The following STK32A variants were observed in gnomAD, a reference collection of about 807,000 sequenced individuals.
STK32A encodes serine/threonine kinase 32A, also known as serine/threonine-protein kinase 32A.
STK32A carries 41 observed loss-of-function variants against 53.2 expected under a neutral mutation model. The ratio of observed to expected loss-of-function variants is 0.77; its 90% CI spans 0.60 to 1.00. The LOEUF (loss-of-function observed/expected upper bound fraction) is 1.00, where lower values mean the gene tolerates loss of function less well. Among genes scored for constraint, STK32A ranks in the 50% least tolerant of loss-of-function variants. The probability of loss-of-function intolerance (pLI) is 0.00; values close to 1 mark genes in which losing one functional copy is unlikely to be tolerated. For missense variants in STK32A, 458 were observed against 485.8 expected, an observed-to-expected ratio of 0.94 and a Z score of 0.54; for synonymous variants, 166 against 162.8, an observed-to-expected ratio of 1.02 and a Z score of -0.15.
At chr5:147,312,062 G>A (rs796712649) in intron 4 of STK32A, among the ~76,000 whole-genome samples, 1 of 152,044 alleles carries the variant, frequency 6.6e-6, no homozygotes, top group East Asian at 1.9e-4. Flanking sequence ...CAAGACTTAC[G>A]TACAAGTTTC....
At chr5:147,276,456 T>C (rs1444735459) in intron 2 of STK32A, among the ~76,000 whole-genome samples, 3 of 152,206 alleles carry the variant, frequency 2.0e-5, no homozygotes, top group Admixed American at 1.3e-4. Flanking sequence ...GGGTTTTGAC[T>C]CACAGCTCAA....
At chr5:147,251,063 G>C (rs1371555709) in intron 2 of STK32A, among the ~76,000 whole-genome samples, 1 of 152,048 alleles carries the variant, frequency 6.6e-6, no homozygotes, top group African/African-American at 2.4e-5. Context: ...TCAGCTAAAT[G>C]TAATATAATG....
chr5:147,352,674 A>G (rs1756039634), intron 7 of STK32A, among the ~76,000 whole-genome samples: 1 of 152,196 alleles, frequency 6.6e-6, no homozygotes, highest in Admixed American at 6.5e-5. Context: ...AAGAAAAGAT[A>G]CCTGGAATTT....
At chr5:147,307,344 G>C (rs961841535) in intron 4 of STK32A, among the ~76,000 whole-genome samples, 3 of 151,866 alleles carry the variant, frequency 2.0e-5, no homozygotes, top group African/African-American at 7.3e-5. Context: ...TGTCTGGCTG[G>C]GGACAGTGAC....
intron 4 of STK32A, among the ~76,000 whole-genome samples, chr5:147,281,672 G>A (rs1417561821): frequency 6.6e-6 from 1 of 151,960 alleles, no homozygotes; most frequent in Non-Finnish European, 1.5e-5. Flanking sequence ...TTAAAAGCTT[G>A]GAAAACATAT....
At chr5:147,290,200 A>C (rs1299814378) in intron 4 of STK32A, among the ~76,000 whole-genome samples, 2 of 152,226 alleles carry the variant, frequency 1.3e-5, no homozygotes, top group East Asian at 3.9e-4. Flanking sequence ...ATATAAAGAG[A>C]GTAAGTATGA....
chr5:147,266,660 G>A (rs994545141), intron 2 of STK32A, among the ~76,000 whole-genome samples: 1 of 152,078 alleles, frequency 6.6e-6, no homozygotes, highest in African/African-American at 2.4e-5. Context: ...CTTCCTTCAT[G>A]GAGTCTATAT....
chr5:147,266,840 A>G (rs948621204), intron 2 of STK32A, among the ~76,000 whole-genome samples: 1 of 152,070 alleles, frequency 6.6e-6, no homozygotes, highest in Admixed American at 6.6e-5. Context: ...GCCTGATAAC[A>G]TAGAGAAACC....
intron 8 of STK32A, 116 bp from the exon 9 acceptor site, chr5:147,370,538 G>T (rs1490088367): frequency 1.6e-6 from 1 of 606,790 alleles, no homozygotes; most frequent in Non-Finnish European, 2.9e-6. Context: ...GCTGGACAGG[G>T]TTAGAAATTG....
chr5:147,329,047 A>G lies in STK32A; in HGVS notation c.434+4976A>G, dbSNP rs116127778. Among the ~76,000 whole-genome samples the G allele has an allele frequency of 2.4e-3, 367 of 152,298 alleles. 1 individual carries two copies. Among genetic ancestry groups the G allele is most frequent in the African/African-American group, 8.6e-3 (359 of 41,566 alleles). ...TTATAGGAATGAGATAAAAAATCTG[A>G]TTAGAGTAATTTGTGCAAGTAATTA... is the stretch of plus-strand genomic sequence containing the variant. On this transcript the variant is annotated intron_variant, in intron 5 of 12. Coordinates refer to ENST00000397936, the MANE Select transcript of STK32A (RefSeq NM_001112724.2).
Position 147,361,778 on chromosome 5 carries a change from C to T in STK32A, c.660+164C>T, listed in dbSNP as rs186766097. Reference sequence around the variant, plus strand: ...CTTGAGATTTCTGCATAGGTTAATTCATTTGTCCCGCATATGGGACCAACC... The same window carrying T: ...CTTGAGATTTCTGCATAGGTTAATTTATTTGTCCCGCATATGGGACCAACC... On this transcript the variant is annotated intron_variant, in intron 8 of 12. Transcript: ENST00000397936. Among the ~76,000 whole-genome samples, 32 of 152,286 alleles carry T rather than the reference C, an allele frequency of 2.1e-4. No individual in the cohort carries two copies. The East Asian group carries it at 6.2e-3, about 29-fold the overall frequency.
chr5:147,294,965 G>A (rs949305874), intron 4 of STK32A, among the ~76,000 whole-genome samples: 3 of 152,186 alleles, frequency 2.0e-5, no homozygotes, highest in African/African-American at 7.2e-5. Flanking sequence ...TAACAGGCAT[G>A]AGCCACCGCG....
At chr5:147,311,953 A>C (rs1753719307) in intron 4 of STK32A, among the ~76,000 whole-genome samples, 1 of 152,126 alleles carries the variant, frequency 6.6e-6, no homozygotes, top group African/African-American at 2.4e-5. Flanking sequence ...CAGAGGGGGA[A>C]ACACAGAGGA....
At chr5:147,268,205 A>G (rs950328095) in intron 2 of STK32A, among the ~76,000 whole-genome samples, 3 of 152,148 alleles carry the variant, frequency 2.0e-5, no homozygotes, top group Non-Finnish European at 4.4e-5. Flanking sequence ...TTATTTATTT[A>G]TGTTTCATCT....
intron 4 of STK32A, among the ~76,000 whole-genome samples, chr5:147,320,964 A>G (rs756865245): frequency 6.6e-5 from 10 of 152,246 alleles, no homozygotes; most frequent in Non-Finnish European, 1.2e-4. Context: ...TTGTAAAAAT[A>G]TAACTGCAAG....
rs545754849 is a variant in STK32A, at chr5:147,270,264, GTGCGATCACAGCT to G, written c.53-7858_53-7846del. ...CTGTCACCCAGGCTGGGGTGCAGTG[GTGCGATCACAGCT>G]TACTGCAGCCTTGACTTCCCAGGCT... On this transcript the variant is annotated intron_variant, in intron 2 of 12. Transcript: ENST00000397936. Among the ~76,000 whole-genome samples the G allele has an allele frequency of 3.7e-4, 56 of 152,220 alleles. 2 individuals are homozygous for G. The South Asian group carries it at 8.9e-3, about 24-fold the overall frequency.
At chr5:147,361,192 T>C (rs529416228) in intron 7 of STK32A, among the ~76,000 whole-genome samples, 2 of 152,348 alleles carry the variant, frequency 1.3e-5, no homozygotes, top group South Asian at 2.1e-4. Flanking sequence ...AACATCTTCT[T>C]AGCCTTCTTG....
Position 147,299,912 on chromosome 5 carries a change from G to A in STK32A, c.260+20514G>A, listed in dbSNP as rs1158722557. Among the ~76,000 whole-genome samples the A allele has an allele frequency of 5.9e-5, 9 of 152,258 alleles. No individual in the cohort carries two copies. The South Asian group carries it at 1.9e-3, about 32-fold the overall frequency. On this transcript the variant is annotated intron_variant, in intron 4 of 12. Transcript: ENST00000397936. ...ACAAAATCCCAGGCATCAGTGTGGG[G>A]ATATGACTGAAGTCCCATACTCCTG...
chr5:147,313,104 A>T (rs546804307), intron 4 of STK32A, among the ~76,000 whole-genome samples: 6 of 91,202 alleles, frequency 6.6e-5, no homozygotes. Flanking sequence ...TCATGGTGGT[A>T]CATGCCTGTA....
Sources: allele counts gnomAD v4.1 joint callset (sites outside exome capture counted in the v4.1 genomes callset), GRCh38; gene constraint gnomAD v4.1.1; transcripts MANE v1.5; gene names NCBI Gene and HGNC (gene_info 2026-07-23, HGNC 2026-07-21).